The following SMOC2 variants were observed in gnomAD, a reference collection of about 807,000 sequenced individuals.
SMOC2 encodes SPARC related modular calcium binding 2, also known as SPARC-related modular calcium-binding protein 2.
SMOC2 carries 39 observed loss-of-function variants against 61.4 expected under a neutral mutation model. That is an observed-to-expected ratio of 0.64 (90% confidence interval 0.49 to 0.83). The LOEUF is 0.83. Among genes scored for constraint, SMOC2 ranks in the 40% least tolerant of loss-of-function variants. The pLI, the probability that SMOC2 is intolerant of heterozygous loss-of-function variation, is 0.00. For synonymous variants in SMOC2, 247 were observed against 239.9 expected (o/e 1.03, Z -0.27); for missense variants, 556 against 592.9 (o/e 0.94, Z 0.65).
intron 7 of SMOC2, among the ~76,000 whole-genome samples, chr6:168,579,271 A>AT (rs1305161271): frequency 2.0e-4 from 31 of 151,988 alleles, no homozygotes; most frequent in Admixed American, 2.0e-3. Context: ...TAAAGCCACT[A>AT]TTTTTTCTTT....
At position 168,488,090 on chromosome 6, in the gene SMOC2, A is replaced by G. The variant is rs1038188338; in HGVS notation, c.85-21825A>G. ...GGGGCTGCCCTATCACAGCACCACA[A>G]ATGGGTAGCTTGAAACAGCAGAAAC... On this transcript the variant is annotated intron_variant, in intron 1 of 12. Transcript: ENST00000356284. 3.3e-5 allele frequency among the ~76,000 whole-genome samples: 5 copies of G among 152,162 alleles called. No homozygotes were observed. In the East Asian group the frequency reaches 5.8e-4, roughly 18 times the overall value.
intron 1 of SMOC2, among the ~76,000 whole-genome samples, chr6:168,457,129 G>A (rs948458936): frequency 2.6e-5 from 4 of 152,192 alleles, no homozygotes; most frequent in Non-Finnish European, 5.9e-5. Flanking sequence ...CGGCCGCCAC[G>A]CCCCTCTCCA....
chr6:168,577,298 G>T (rs114699786), intron 7 of SMOC2, among the ~76,000 whole-genome samples: 1 of 151,250 alleles, frequency 6.6e-6, no homozygotes, highest in Admixed American at 6.6e-5. Context: ...GTCTAAACGC[G>T]CTCTCTCTCG....
intron 9 of SMOC2, among the ~76,000 whole-genome samples, chr6:168,635,091 C>T (rs567464137): frequency 6.6e-6 from 1 of 152,172 alleles, no homozygotes; most frequent in Non-Finnish European, 1.5e-5. Flanking sequence ...CCAGGAAGAG[C>T]CTTCTCACGC....
intron 1 of SMOC2, among the ~76,000 whole-genome samples, chr6:168,463,729 C>T (rs1309833763): frequency 4.6e-5 from 7 of 151,560 alleles, no homozygotes; most frequent in South Asian, 2.1e-4. Context: ...CTAACACTTC[C>T]GGACTCCTCT....
chr6:168,564,290 A>G (rs1378928072), intron 7 of SMOC2, among the ~76,000 whole-genome samples: 3 of 152,040 alleles, frequency 2.0e-5, no homozygotes, highest in Admixed American at 6.5e-5. Context: ...TTCAAAGAAG[A>G]GTGCCTATTC....
At chr6:168,456,985 G>A (rs867296550) in intron 1 of SMOC2, among the ~76,000 whole-genome samples, 2 of 152,158 alleles carry the variant, frequency 1.3e-5, no homozygotes, top group African/African-American at 2.4e-5. Context: ...GAAGCTGCTC[G>A]GGACAAGCAT....
chr6:168,640,407 A>G (rs1001180760), intron 9 of SMOC2, among the ~76,000 whole-genome samples: 8 of 152,154 alleles, frequency 5.3e-5, no homozygotes, highest in Non-Finnish European at 1.2e-4. Flanking sequence ...GGGCTGCTGC[A>G]GACGCTGAGG....
intron 11 of SMOC2, among the ~76,000 whole-genome samples, chr6:168,660,852 G>A (rs747690346): frequency 1.3e-5 from 2 of 152,242 alleles, no homozygotes; most frequent in East Asian, 1.9e-4. Flanking sequence ...GGAGCACAGC[G>A]CGATCTCTTC....
chr6:168,512,013 G>A lies in SMOC2; in HGVS notation c.256+1927G>A, dbSNP rs16887050. ...ATGGTGCTGTGGAGCTTAAAGTCCCGTTCTGGTTTGTCGGTCAGATGCTGT... is the reference window on the plus strand; with the variant it reads ...ATGGTGCTGTGGAGCTTAAAGTCCCATTCTGGTTTGTCGGTCAGATGCTGT... On this transcript the variant is annotated intron_variant, in intron 2 of 12. Coordinates refer to ENST00000356284, the MANE Select transcript of SMOC2 (RefSeq NM_001166412.2). 6.1e-3 allele frequency among the ~76,000 whole-genome samples: 932 copies of A among 152,148 alleles called. 8 individuals carry two copies. Among genetic ancestry groups the A allele is most frequent in the African/African-American group, 0.02 (843 of 41,510 alleles).
At chr6:168,585,688 G>A (rs766957070) in intron 7 of SMOC2, among the ~76,000 whole-genome samples, 12 of 152,232 alleles carry the variant, frequency 7.9e-5, no homozygotes, top group Admixed American at 3.3e-4. Context: ...TCTGGTTTGG[G>A]TTGTTCTAGC....
In SMOC2 at chr6:168,633,100, G is replaced by A. The variant is rs1217287161; in HGVS notation, c.908-17581G>A. 2.6e-5 allele frequency among the ~76,000 whole-genome samples: 4 copies of A among 152,238 alleles called. No individual in the cohort carries two copies. The East Asian group carries it at 7.7e-4, about 29-fold the overall frequency. The stretch of plus-strand genomic sequence containing the variant: ...ATCTGCACTGCTGTTTGAGGACGTA[G>A]GGCTGAGATGACTTCATTTTCCTCC... On this transcript the variant is annotated intron_variant, in intron 9 of 12. Coordinates refer to ENST00000356284, the MANE Select transcript of SMOC2 (RefSeq NM_001166412.2).
chr6:168,657,365 C>T lies in SMOC2; in HGVS notation c.1285+4137C>T, dbSNP rs144629413. ...CAGCAAGGGCAGTGCTGTTGGAAAT[C>T]GTCCACTCTGCTGGGCTACACTTGC... is the stretch of plus-strand genomic sequence containing the variant. On this transcript the variant is annotated intron_variant, in intron 11 of 12. Coordinates refer to ENST00000356284, the MANE Select transcript of SMOC2 (RefSeq NM_001166412.2). Among the ~76,000 whole-genome samples the T allele has an allele frequency of 1.3e-3, 197 of 152,374 alleles. 3 individuals carry two copies. The South Asian group carries it at 0.015, about 12-fold the overall frequency.
At chr6:168,443,968 C>T (rs1049817077) in intron 1 of SMOC2, among the ~76,000 whole-genome samples, 4 of 152,188 alleles carry the variant, frequency 2.6e-5, no homozygotes, top group Admixed American at 6.5e-5. Context: ...TTTTAATGCG[C>T]CTACTATATG....
intron 7 of SMOC2, among the ~76,000 whole-genome samples, chr6:168,557,259 A>C (rs1488996954): frequency 6.6e-6 from 1 of 152,224 alleles, no homozygotes; most frequent in Non-Finnish European, 1.5e-5. Flanking sequence ...GAAGAGATTA[A>C]TGCTAAATTA....
intron 1 of SMOC2, among the ~76,000 whole-genome samples, chr6:168,458,167 CT>C (rs1275379657): frequency 6.6e-6 from 1 of 152,224 alleles, no homozygotes; most frequent in Non-Finnish European, 1.5e-5. Context: ...GACCGTTCCC[CT>C]GGGGCCATCA....
intron 7 of SMOC2, among the ~76,000 whole-genome samples, chr6:168,579,094 C>T (rs1198425240): frequency 6.6e-6 from 1 of 152,182 alleles, no homozygotes; most frequent in East Asian, 1.9e-4. Flanking sequence ...TTTAAAAGGT[C>T]AACCTGAGAA....
At position 168,500,628 on chromosome 6, in the gene SMOC2, A is replaced by G. The variant is rs76315939; in HGVS notation, c.85-9287A>G. 7.7e-3 allele frequency among the ~76,000 whole-genome samples: 1,174 copies of G among 152,200 alleles called. 13 individuals are homozygous for G. Among genetic ancestry groups the G allele is most frequent in the African/African-American group, 0.025 (1,055 of 41,524 alleles). Reference sequence around the variant, plus strand: ...CTACGCGAATGTGGCTCTGAAGACAACACTCTTCACTGAGCTGCAGCTCTG... The same window carrying G: ...CTACGCGAATGTGGCTCTGAAGACAGCACTCTTCACTGAGCTGCAGCTCTG... On this transcript the variant is annotated intron_variant, in intron 1 of 12. Coordinates refer to ENST00000356284, the MANE Select transcript of SMOC2 (RefSeq NM_001166412.2).
intron 7 of SMOC2, 99 bp from the exon 8 acceptor site, chr6:168,598,719 C>T (rs1187692345): frequency 1.5e-6 from 2 of 1,377,178 alleles, no homozygotes; most frequent in Non-Finnish European, 2.0e-6. Flanking sequence ...GAAGGAGGAC[C>T]ACATCGTTCT....
Sources: gnomAD v4.1 joint callset for allele counts (sites outside exome capture counted in the v4.1 genomes callset) on GRCh38, gnomAD v4.1.1 for gene constraint, MANE v1.5 for transcripts, NCBI Gene and HGNC (gene_info 2026-07-23, HGNC 2026-07-21) for gene names.